Variants in BTD observed in about 807,000 individuals in gnomAD.
The protein encoded by BTD is biotinidase, also known as biocytinase.
A neutral mutation model predicts 17.7 loss-of-function variants in BTD; 13 were observed. The observed-to-expected ratio is 0.74, with a 90% CI of 0.48 to 1.17. The LOEUF (loss-of-function observed/expected upper bound fraction) is 1.17, where lower values mean the gene tolerates loss of function less well. Among genes scored for constraint, BTD ranks in the 50% most tolerant of loss-of-function variants. The pLI, the probability that BTD is intolerant of heterozygous loss-of-function variation, is 0.00. For synonymous variants in BTD, 240 were observed against 245.2 expected (o/e 0.98, Z 0.20); for missense variants, 674 against 650.4 (o/e 1.04, Z -0.39).
intron 3 of BTD, chr3:15,689,875 G>T: frequency 3.0e-6 from 2 of 674,978 alleles, no homozygotes; most frequent in Non-Finnish European, 4.8e-6. Flanking sequence ...AAGTTATTTG[G>T]TGAGGTCAAA....
chr3:15,698,705 G>A (rs1228412267), intron 3 of BTD, among the ~76,000 whole-genome samples: 2 of 152,050 alleles, frequency 1.3e-5, no homozygotes, highest in African/African-American at 2.4e-5. Flanking sequence ...ACCTCTTCAG[G>A]CAGAACTACA....
At chr3:15,680,878 G>A (rs1474951740) in intron 3 of BTD, among the ~76,000 whole-genome samples, 1 of 152,062 alleles carries the variant, frequency 6.6e-6, no homozygotes, top group Non-Finnish European at 1.5e-5. Context: ...TGTTGCTCAG[G>A]CTGGTCTTGA....
intron 3 of BTD, among the ~76,000 whole-genome samples, chr3:15,693,866 A>G (rs1575184965): frequency 6.6e-6 from 1 of 152,184 alleles, no homozygotes; most frequent in Admixed American, 6.5e-5. Flanking sequence ...GTCAGTGTTA[A>G]AACACCCGCA....
chr3:15,669,668 G>GT (rs2066170516), intron 3 of BTD: 2 of 151,620 alleles, frequency 1.3e-5, no homozygotes, highest in African/African-American at 4.9e-5. Context: ...GCTTTCAGAT[G>GT]TTTTCTTAAA....
At chr3:15,694,853 C>G in intron 3 of BTD, 1 of 1,574,614 alleles carries the variant, frequency 6.4e-7, no homozygotes, top group Non-Finnish European at 8.7e-7. Context: ...GAAAGACATA[C>G]TACAGCAATT....
Position 15,616,598 on chromosome 3 carries a change from A to G in BTD, c.-17+14704A>G, listed in dbSNP as rs115781938. 6.7e-3 allele frequency among the ~76,000 whole-genome samples: 1,019 copies of G among 151,680 alleles called. 9 individuals carry two copies. Among genetic ancestry groups the G allele is most frequent in the African/African-American group, 0.023 (968 of 41,278 alleles). Reference sequence around the variant, plus strand: ...ACCATTGTACTCCAGCATAGGGGACAAGAGCGAGACTTCATCTTCAAAAAA... The same window carrying G: ...ACCATTGTACTCCAGCATAGGGGACGAGAGCGAGACTTCATCTTCAAAAAA... On this transcript the variant is annotated intron_variant, in intron 1 of 3. Coordinates refer to ENST00000643237, the MANE Select transcript of BTD (RefSeq NM_001370658.1).
chr3:15,694,517 C>CTT (rs376633083), intron 3 of BTD, among the ~76,000 whole-genome samples: 1 of 142,640 alleles, frequency 7.0e-6, no homozygotes, highest in Non-Finnish European at 1.5e-5. Flanking sequence ...CACTGTCTGT[C>CTT]TTTTTTTTTT....
At position 15,644,560 on chromosome 3, in the gene BTD, C is replaced by G. The variant is rs1056525743; in HGVS notation, c.644C>G (p.Pro215Arg). 6 of 1,614,154 alleles carry G rather than the reference C, an allele frequency of 3.7e-6. No homozygotes were observed. The South Asian group carries it at 5.5e-5, about 15-fold the overall frequency. ...GTGGATCTCATCACCTTTGATACCC[C>G]CTTTGCTGGCAGGTTTGGCATCTTC... ...LKVDLITFDTPFAGRFGIFTC... is the reference protein window; with the variant it reads ...LKVDLITFDTRFAGRFGIFTC... The change falls in exon 4 of 4, where the codon CCC (proline) becomes CGC (arginine). Residue 215 changes from proline to arginine, a missense_variant. Transcript: ENST00000643237.
chr3:15,618,186 C>CA (rs2064845689), intron 1 of BTD, among the ~76,000 whole-genome samples: 1 of 152,202 alleles, frequency 6.6e-6, no homozygotes, highest in Non-Finnish European at 1.5e-5. Flanking sequence ...CTGGTGGTCT[C>CA]AAACTCCTGG....
chr3:15,603,423 C>T (rs1030049057), intron 1 of BTD, among the ~76,000 whole-genome samples: 7 of 152,172 alleles, frequency 4.6e-5, no homozygotes, highest in East Asian at 1.9e-4. Context: ...TTTGGGAGGC[C>T]GAGGCGGGCG....
At chr3:15,703,076 T>TAC (rs1181343561) in intron 3 of BTD, among the ~76,000 whole-genome samples, 2 of 152,142 alleles carry the variant, frequency 1.3e-5, no homozygotes, top group Non-Finnish European at 2.9e-5. Context: ...TACATATATA[T>TAC]ACACAATAAG....
At chr3:15,676,379 C>G (rs1373541838) in intron 3 of BTD, among the ~76,000 whole-genome samples, 1 of 152,168 alleles carries the variant, frequency 6.6e-6, no homozygotes, top group Admixed American at 6.5e-5. Context: ...AGCATAAATT[C>G]TAATAGGCTT....
chr3:15,643,966 T>TTTAATTAATTAATTAA (rs199961120), intron 3 of BTD, among the ~76,000 whole-genome samples: 1 of 105,284 alleles, frequency 9.5e-6, no homozygotes, highest in Non-Finnish European at 2.0e-5. Context: ...AACTCATTTA[T>TTTAATTAATTAATTAA]TTAATTTATT....
chr3:15,601,616 G>T, upstream of BTD: 1 of 1,563,210 alleles, frequency 6.4e-7, no homozygotes. Flanking sequence ...GGAAGGAAGA[G>T]GCGGTCTAAA....
downstream of BTD, chr3:15,713,411 A>G (rs537226074): frequency 2.7e-6 from 2 of 750,676 alleles, no homozygotes; most frequent in African/African-American, 1.8e-5. Context: ...AGTTCAAGCA[A>G]TTAATACAAC....
chr3:15,613,527 C>T (rs568543667), intron 1 of BTD, among the ~76,000 whole-genome samples: 3 of 152,166 alleles, frequency 2.0e-5, no homozygotes, highest in African/African-American at 7.2e-5. Flanking sequence ...CTTCCCCCTC[C>T]TTACCTTCTC....
chr3:15,679,387 G>A, intron 3 of BTD: 1 of 1,613,796 alleles, frequency 6.2e-7, no homozygotes, highest in Non-Finnish European at 8.5e-7. Flanking sequence ...CATTTATCCT[G>A]TGTAAGGTAA....
intron 3 of BTD, chr3:15,676,085 G>T: frequency 2.0e-6 from 2 of 978,096 alleles, no homozygotes; most frequent in South Asian, 1.7e-5. Flanking sequence ...GTCAACTTGT[G>T]AAGACCAAGA....
At chr3:15,605,809 C>T (rs985136644) in intron 1 of BTD, among the ~76,000 whole-genome samples, 6 of 151,884 alleles carry the variant, frequency 4.0e-5, no homozygotes, top group African/African-American at 7.3e-5. Context: ...TTTGGGAGGC[C>T]GAGGTGGGCA....
Sources: gnomAD v4.1 joint callset for allele counts (sites outside exome capture counted in the v4.1 genomes callset) on GRCh38, gnomAD v4.1.1 for gene constraint, MANE v1.5 for transcripts, NCBI Gene and HGNC (gene_info 2026-07-23, HGNC 2026-07-21) for gene names.